ITIH5: variants seen among roughly 807,000 people sequenced by gnomAD.
The protein encoded by ITIH5 is inter-alpha-trypsin inhibitor heavy chain 5.
Under a neutral mutation model 77.5 loss-of-function variants are expected in ITIH5, and 65 were observed. The ratio of observed to expected loss-of-function variants is 0.84; its 90% confidence interval spans 0.69 to 1.03. The LOEUF is 1.03. Ranked by LOEUF, ITIH5 falls within the 50% of genes least tolerant of loss-of-function variation. The pLI is 0.00. For missense variants in ITIH5, 1,208 were observed against 1,213.1 expected, an observed-to-expected ratio of 1.00 and a Z score of 0.06; for synonymous variants, 525 against 494.3, an observed-to-expected ratio of 1.06 and a Z score of -0.82.
intron 11 of ITIH5, chr10:7,570,069 AGAGG>A: frequency 4.2e-6 from 1 of 236,692 alleles, no homozygotes; most frequent in Admixed American, 5.4e-5. Context: ...CTAAGCTTTG[AGAGG>A]TGAGAGGAGA....
At chr10:7,586,282 G>A (rs935797232) in intron 7 of ITIH5, among the ~76,000 whole-genome samples, 9 of 152,176 alleles carry the variant, frequency 5.9e-5, no homozygotes, top group African/African-American at 1.4e-4. Flanking sequence ...GAGTGAATCA[G>A]TGCTGAATGC....
At chr10:7,574,648 C>A (rs1178061047) in intron 10 of ITIH5, among the ~76,000 whole-genome samples, 6 of 151,822 alleles carry the variant, frequency 4.0e-5, no homozygotes, top group Non-Finnish European at 8.8e-5. Context: ...AAAAAATTAG[C>A]CGGGCGCGGT....
intron 7 of ITIH5, among the ~76,000 whole-genome samples, chr10:7,600,085 T>C (rs1832984849): frequency 1.3e-5 from 2 of 152,198 alleles, no homozygotes; most frequent in African/African-American, 4.8e-5. Flanking sequence ...AGAGGCTTCT[T>C]AGATCTATGG....
chr10:7,629,348 A>ATCTATGTTTTC (rs1833669205), intron 5 of ITIH5, among the ~76,000 whole-genome samples: 1 of 79,624 alleles, frequency 1.3e-5, no homozygotes, highest in African/African-American at 6.6e-5. Flanking sequence ...CCCATGTTGT[A>ATCTATGTTTTC]GCGTGTGTCC....
chr10:7,636,578 A>C (rs1282531417), intron 5 of ITIH5, among the ~76,000 whole-genome samples: 1 of 152,168 alleles, frequency 6.6e-6, no homozygotes, highest in African/African-American at 2.4e-5. Flanking sequence ...CATATAATTG[A>C]ATCTTTAGGC....
intron 1 of ITIH5, among the ~76,000 whole-genome samples, chr10:7,657,859 T>C (rs1215782290): frequency 6.6e-6 from 1 of 152,192 alleles, no homozygotes; most frequent in African/African-American, 2.4e-5. Context: ...CAGTAATTAG[T>C]AATGTTTGGG....
At chr10:7,595,439 G>A (rs548166870) in intron 7 of ITIH5, among the ~76,000 whole-genome samples, 5 of 152,114 alleles carry the variant, frequency 3.3e-5, no homozygotes, top group African/African-American at 9.6e-5. Context: ...GAGTCACAAA[G>A]GATAGAGATT....
intron 7 of ITIH5, among the ~76,000 whole-genome samples, chr10:7,608,717 C>T (rs967264962): frequency 1.3e-5 from 2 of 152,228 alleles, no homozygotes; most frequent in African/African-American, 4.8e-5. Flanking sequence ...TACATTTCTG[C>T]CATCTGCACG....
chr10:7,566,950 C>T (rs532088825), intron 12 of ITIH5, among the ~76,000 whole-genome samples: 14 of 150,826 alleles, frequency 9.3e-5, no homozygotes, highest in Admixed American at 6.6e-4. Flanking sequence ...CCCTGCCCAA[C>T]GCATCAAGTT....
intron 2 of ITIH5, among the ~76,000 whole-genome samples, chr10:7,644,398 C>CACATATATCATATATATCACATATATCAT (rs1564277261): frequency 3.2e-5 from 4 of 123,260 alleles, no homozygotes; most frequent in African/African-American, 9.9e-5. Context: ...ACATATATCA[C>CACATATATCATATATATCACATATATCAT]ATATATCACA....
rs531408215 is a variant in ITIH5 at position 7,656,238 on chromosome 10, A to T, written c.91-563T>A. Among the ~76,000 whole-genome samples, 4 of 152,314 alleles carry T rather than the reference A, an allele frequency of 2.6e-5. No individual in the cohort carries two copies. The South Asian group carries it at 8.3e-4, about 32-fold the overall frequency. On this transcript the variant is annotated intron_variant, in intron 1 of 13. Coordinates refer to ENST00000397146, the MANE Select transcript of ITIH5 (RefSeq NM_030569.7). ...GTGATGAAATCGTCTTTTTTTAGAC[A>T]TGGCCTCGCTGTGTTGCTCAGGTTG...
At chr10:7,639,594 C>T (rs919200870) in intron 4 of ITIH5, among the ~76,000 whole-genome samples, 2 of 147,946 alleles carry the variant, frequency 1.4e-5, no homozygotes, top group South Asian at 2.2e-4. Context: ...TGAGGAAAAC[C>T]GGGTTACCAG....
intron 9 of ITIH5, among the ~76,000 whole-genome samples, chr10:7,578,081 T>G (rs1447080603): frequency 6.6e-6 from 1 of 151,992 alleles, no homozygotes; most frequent in African/African-American, 2.4e-5. Context: ...AAAACAAGAG[T>G]GATAGTGACT....
intron 1 of ITIH5, among the ~76,000 whole-genome samples, chr10:7,657,063 T>TTTTTA (rs756931595): frequency 1.6e-5 from 2 of 126,252 alleles, no homozygotes; most frequent in Admixed American, 8.2e-5. Context: ...TTTTTTTTTT[T>TTTTTA]AGACGGAGTC....
intron 4 of ITIH5, 24 bp from the exon 5 acceptor site, chr10:7,637,502 C>A: frequency 6.2e-7 from 1 of 1,610,448 alleles, no homozygotes. Flanking sequence ...GGAAAAGGAC[C>A]CCAGGGAGGT....
chr10:7,617,384 A>G (rs1241136806), intron 5 of ITIH5, 102 bp from the exon 6 acceptor site: 3 of 732,514 alleles, frequency 4.1e-6, no homozygotes, highest in Non-Finnish European at 6.2e-6. Context: ...TCATTTTATT[A>G]CAGGCTTGTA....
intron 5 of ITIH5, among the ~76,000 whole-genome samples, chr10:7,622,907 T>C (rs566248456): frequency 2.0e-5 from 3 of 152,360 alleles, no homozygotes; most frequent in Admixed American, 2.0e-4. Flanking sequence ...CCATTAAATA[T>C]TCCTATGTCT....
chr10:7,573,130 C>G lies in ITIH5; in HGVS notation c.2032+12G>C. ...ACTCTCAATCCACACACAACCGCATCCTTTGCTTTACCTGATGTTTTAGAG... is the reference window on the plus strand; with the variant it reads ...ACTCTCAATCCACACACAACCGCATGCTTTGCTTTACCTGATGTTTTAGAG... On this transcript the variant is annotated intron_variant, in intron 11 of 13. Transcript: ENST00000397146. The G allele has an allele frequency of 6.2e-7, 1 of 1,612,042 alleles. No individual in the cohort carries two copies. The highest frequency in any genetic ancestry group is 8.5e-7 in the Non-Finnish European group (1 of 1,178,194).
At chr10:7,595,843 C>T (rs534527435) in intron 7 of ITIH5, among the ~76,000 whole-genome samples, 1 of 152,134 alleles carries the variant, frequency 6.6e-6, no homozygotes, top group South Asian at 2.1e-4. Context: ...CCCATCTCTA[C>T]TAATAATACA....
Sources: allele counts gnomAD v4.1 joint callset (sites outside exome capture counted in the v4.1 genomes callset), GRCh38; gene constraint gnomAD v4.1.1; transcripts MANE v1.5; gene names NCBI Gene and HGNC (gene_info 2026-07-23, HGNC 2026-07-21).